The following NCALD variants were observed in gnomAD, a reference collection of about 807,000 sequenced individuals.
NCALD encodes neurocalcin-delta.
NCALD carries 10 observed loss-of-function variants against 18.6 expected under a neutral mutation model. The ratio of observed to expected loss-of-function variants is 0.54; its 90% CI spans 0.33 to 0.91. The LOEUF is 0.91. Among genes scored for constraint, NCALD ranks in the 40% least tolerant of loss-of-function variants. The pLI, the probability that NCALD is intolerant of heterozygous loss-of-function variation, is 0.03. For missense variants in NCALD, 184 were observed against 247.6 expected (o/e 0.74, Z 1.72); for synonymous variants, 88 against 87.4 (o/e 1.01, Z -0.04).
At chr8:101,692,265 C>CT in intron 3 of NCALD, 1 of 985,430 alleles carries the variant, frequency 1.0e-6, no homozygotes, top group Non-Finnish European at 1.2e-6. Flanking sequence ...ACCTTACTCC[C>CT]TCACCACTAC....
At position 102,045,148 on chromosome 8, in the gene NCALD, G is replaced by A. The variant is rs182267918; in HGVS notation, c.-209-24859C>T. Among the ~76,000 whole-genome samples the A allele has an allele frequency of 6.1e-3, 924 of 152,314 alleles. 5 individuals carry two copies. Among genetic ancestry groups the A allele is most frequent in the South Asian group, 0.022 (105 of 4,828 alleles). ...GGGGCCCATAACTAGAAGGAATCAA[G>A]TTTAGTTTCATTTCCTCTTGCCATG... On this transcript the variant is annotated intron_variant, in intron 1 of 6. Coordinates refer to the NCALD transcript ENST00000311028.
At chr8:101,797,828 A>G (rs1281014091) in intron 4 of NCALD, among the ~76,000 whole-genome samples, 1 of 151,920 alleles carries the variant, frequency 6.6e-6, no homozygotes, top group Admixed American at 6.6e-5. Context: ...AAAAAAAAAG[A>G]GGAGTGTCTT....
chr8:101,957,380 A>G (rs960962341), intron 2 of NCALD, among the ~76,000 whole-genome samples: 5 of 150,288 alleles, frequency 3.3e-5, no homozygotes, highest in Non-Finnish European at 5.9e-5. Flanking sequence ...CTCCGCAGCC[A>G]AAGAGCATAA....
At chr8:101,784,031 C>T (rs1178127064) in intron 1 of NCALD, among the ~76,000 whole-genome samples, 1 of 152,132 alleles carries the variant, frequency 6.6e-6, no homozygotes, top group African/African-American at 2.4e-5. Flanking sequence ...CCCCCCCACA[C>T]CCCAAATCTT....
rs1245344111 is a variant in NCALD at position 101,689,597 on chromosome 8, T to C, written c.485-191A>G. Among the ~76,000 whole-genome samples, 3 of 152,260 alleles carry C rather than the reference T, an allele frequency of 2.0e-5. No individual in the cohort carries two copies. The highest frequency in any genetic ancestry group is 1.9e-4 in the East Asian group (1 of 5,198). ...AGGAACACTGCTGCCTCATTCACCATGGCATTGCCAGCACTTAGGACAGTA... is the reference window on the plus strand; with the variant it reads ...AGGAACACTGCTGCCTCATTCACCACGGCATTGCCAGCACTTAGGACAGTA... On this transcript the variant is annotated intron_variant, in intron 3 of 3. Transcript: ENST00000220931. The surrounding 1 kb of genome is among the most constrained non-coding windows in gnomAD (Gnocchi z 4.4).
In NCALD at chr8:101,687,725, C is replaced by G. The variant is rs1814529735; in HGVS notation, c.*1584G>C. 1 of 152,336 alleles carries G rather than the reference C, an allele frequency of 6.6e-6. No homozygotes were observed. The highest frequency in any genetic ancestry group is 1.9e-4 in the East Asian group (1 of 5,188). 9.4% of individuals were successfully genotyped at this position (152,336 alleles called of 1,614,324 possible). A position where few individuals can be genotyped will look rare whatever the true frequency, so the allele number is the denominator to read the frequency against. ...CTCTTAGTGGCAAGTTCCCCATCAACAACCTTGAGAATTTGGGCCTCCCTT... is the reference window on the plus strand; with the variant it reads ...CTCTTAGTGGCAAGTTCCCCATCAAGAACCTTGAGAATTTGGGCCTCCCTT... On this transcript the variant is annotated 3_prime_UTR_variant, in exon 4 of 4. Coordinates refer to ENST00000220931, the MANE Select transcript of NCALD (RefSeq NM_032041.3).
At chr8:102,109,977 G>A (rs1046771907) in intron 1 of NCALD, among the ~76,000 whole-genome samples, 5 of 151,868 alleles carry the variant, frequency 3.3e-5, no homozygotes, top group South Asian at 2.1e-4. Flanking sequence ...TTAACCCTAC[G>A]TCCCAAACAT....
At chr8:101,898,248 G>A (rs954053507) in intron 3 of NCALD, among the ~76,000 whole-genome samples, 2 of 152,190 alleles carry the variant, frequency 1.3e-5, no homozygotes, top group African/African-American at 4.8e-5. Context: ...GGTGTGTGGT[G>A]CTATCTCATC....
chr8:102,106,293 C>T (rs997187339), intron 1 of NCALD, among the ~76,000 whole-genome samples: 8 of 151,898 alleles, frequency 5.3e-5, no homozygotes, highest in African/African-American at 1.9e-4. Flanking sequence ...AGGCTGGTCT[C>T]AAACTCCTGA....
chr8:102,013,317 T>C (rs1821969559), intron 2 of NCALD, among the ~76,000 whole-genome samples: 2 of 152,206 alleles, frequency 1.3e-5, no homozygotes, highest in South Asian at 4.1e-4. Flanking sequence ...GATGTCATTG[T>C]AGATGAACCT....
intron 1 of NCALD, among the ~76,000 whole-genome samples, chr8:102,088,301 T>A (rs1824807397): frequency 6.6e-6 from 1 of 152,230 alleles, no homozygotes. Flanking sequence ...TACCATTTTT[T>A]ATTCTCTTCC....
intron 2 of NCALD, among the ~76,000 whole-genome samples, chr8:101,703,953 T>C (rs543551625): frequency 6.6e-6 from 1 of 152,254 alleles, no homozygotes; most frequent in Admixed American, 6.5e-5. Context: ...GAGGAAAGAC[T>C]GCCTGGCCCT....
At chr8:101,858,143 C>T (rs1815394886) in intron 4 of NCALD, among the ~76,000 whole-genome samples, 1 of 146,488 alleles carries the variant, frequency 6.8e-6, no homozygotes, top group African/African-American at 2.6e-5. Context: ...AATAAAATGA[C>T]AGTAAAGGAA....
rs895107384 is a variant in NCALD, at chr8:102,032,790, T to C, written c.-209-12501A>G. 5.9e-5 allele frequency among the ~76,000 whole-genome samples: 9 copies of C among 152,272 alleles called. No individual in the cohort carries two copies. The East Asian group carries it at 7.7e-4, about 13-fold the overall frequency. The stretch of plus-strand genomic sequence containing the variant: ...GGGACAAGATAACATATTCTGAGGA[T>C]GTCAGCCAGCCAGTTCTTCCCAGCC... On this transcript the variant is annotated intron_variant, in intron 1 of 6. Coordinates refer to the NCALD transcript ENST00000311028.
rs574968978 is a variant in NCALD, at chr8:102,097,319, C to A, written c.-210+26918G>T. 7.7e-4 allele frequency among the ~76,000 whole-genome samples: 117 copies of A among 152,308 alleles called. 1 individual carries two copies. Among genetic ancestry groups the A allele is most frequent in the African/African-American group, 2.6e-3 (107 of 41,566 alleles). On this transcript the variant is annotated intron_variant, in intron 1 of 6. Transcript: ENST00000311028. ...TAACATTCACACTGCACTTGATAGT[C>A]TGTGAGCATTTTCCACCTATTATTT...
intron 2 of NCALD, among the ~76,000 whole-genome samples, chr8:101,928,614 T>A (rs1818426017): frequency 6.6e-6 from 1 of 151,212 alleles, no homozygotes; most frequent in Non-Finnish European, 1.5e-5. Flanking sequence ...TTTTTTTTTT[T>A]AAGTTTTCTG....
chr8:101,744,140 A>G (rs111836277), intron 1 of NCALD, among the ~76,000 whole-genome samples: 1 of 152,042 alleles, frequency 6.6e-6, no homozygotes, highest in Admixed American at 6.6e-5. Flanking sequence ...TCCCTTCCTC[A>G]GCTCCTACCA....
intron 1 of NCALD, among the ~76,000 whole-genome samples, chr8:102,036,821 C>T (rs1012734943): frequency 6.6e-6 from 1 of 151,992 alleles, no homozygotes; most frequent in African/African-American, 2.4e-5. Flanking sequence ...TGCCTTGACA[C>T]ATGAGGATAA....
In NCALD at chr8:101,692,390, G is replaced by A. The variant is rs1045961442; in HGVS notation, c.484+401C>T. On this transcript the variant is annotated intron_variant, in intron 3 of 3. Coordinates refer to ENST00000220931, the MANE Select transcript of NCALD (RefSeq NM_032041.3). ...TGGCAGGCTGGAGTGAAAGCTGTCG[G>A]CATCTGGGTAGGATCACAGAATAAC... is the stretch of plus-strand genomic sequence containing the variant. The A allele has an allele frequency of 1.0e-5, 10 of 985,236 alleles. No homozygotes were observed. In the Admixed American group the frequency reaches 3.1e-4, roughly 30 times the overall value. The allele number at this position is 985,236 out of a possible 1,614,324, so 61.0% of individuals were successfully genotyped here.
Sources: allele counts gnomAD v4.1 joint callset (sites outside exome capture counted in the v4.1 genomes callset), GRCh38; gene constraint gnomAD v4.1.1; non-coding constraint Gnocchi (gnomAD v3.1); transcripts MANE v1.5; gene names NCBI Gene and HGNC (gene_info 2026-07-23, HGNC 2026-07-21).